The following MPP4 variants were observed in gnomAD, a reference collection of about 807,000 sequenced individuals.
MPP4 encodes MAGUK p55 subfamily member 4.
In MPP4, 91 loss-of-function variants were observed where a neutral mutation model predicts 98.3. That is an observed-to-expected ratio of 0.93 (90% CI 0.78 to 1.10). The LOEUF is 1.10. Ranked by LOEUF, MPP4 falls within the 50% of genes least tolerant of loss-of-function variation. The pLI is 0.00. For synonymous variants in MPP4, 261 were observed against 271.8 expected (o/e 0.96, Z 0.39); for missense variants, 744 against 792.9 (o/e 0.94, Z 0.74).
At chr2:201,653,709 G>A (rs1446160186) in intron 18 of MPP4, among the ~76,000 whole-genome samples, 1 of 151,986 alleles carries the variant, frequency 6.6e-6, no homozygotes, top group African/African-American at 2.4e-5. Context: ...AATAAAACAG[G>A]TTGTCTTAGA....
At chr2:201,660,121 C>T (rs974780437) in intron 15 of MPP4, among the ~76,000 whole-genome samples, 6 of 152,120 alleles carry the variant, frequency 3.9e-5, no homozygotes, top group Admixed American at 1.3e-4. Flanking sequence ...TGATTTCACC[C>T]ACAAAATGTC....
chr2:201,696,583 G>C (rs962140342), intron 1 of MPP4, among the ~76,000 whole-genome samples: 2 of 152,176 alleles, frequency 1.3e-5, no homozygotes, highest in African/African-American at 4.8e-5. Flanking sequence ...TTTAATGCCC[G>C]AATGACTGTG....
intron 18 of MPP4, among the ~76,000 whole-genome samples, chr2:201,654,410 T>G (rs116101291): frequency 0.011 from 1,619 of 152,332 alleles, 28 homozygotes; most frequent in African/African-American, 0.036. Flanking sequence ...AACTATTAGT[T>G]TGCCTGAAAG....
At chr2:201,653,653 T>A (rs1687779458) in intron 18 of MPP4, among the ~76,000 whole-genome samples, 1 of 152,214 alleles carries the variant, frequency 6.6e-6, no homozygotes, top group African/African-American at 2.4e-5. Context: ...TCTATTTTGT[T>A]GAAATCAGGA....
rs1174826779 is a variant in MPP4, at chr2:201,649,773, A to C, written c.1476-89T>G. 4 of 852,632 alleles carry C rather than the reference A, an allele frequency of 4.7e-6. No individual in the cohort carries two copies. The East Asian group carries it at 1.1e-4, about 23-fold the overall frequency. The allele number at this position is 852,632 out of a possible 1,614,324, so 52.8% of individuals were successfully genotyped here. A position where few individuals can be genotyped will look rare whatever the true frequency, so the allele number is the denominator to read the frequency against. On this transcript the variant is annotated intron_variant, in intron 19 of 21. Coordinates refer to ENST00000409474, the MANE Select transcript of MPP4 (RefSeq NM_033066.3). ...TGAGGATAAACTGCACTAGAGTTGA[A>C]TATAAATATGTGGACTTTATTAACA...
At chr2:201,696,771 G>T (rs773050141) in intron 1 of MPP4, among the ~76,000 whole-genome samples, 9 of 152,108 alleles carry the variant, frequency 5.9e-5, no homozygotes, top group Non-Finnish European at 1.2e-4. Context: ...CAACTTCAGG[G>T]CTACCTAGAT....
chr2:201,663,164 T>C (rs985632142), intron 14 of MPP4, among the ~76,000 whole-genome samples: 1 of 152,260 alleles, frequency 6.6e-6, no homozygotes, highest in Non-Finnish European at 1.5e-5. Flanking sequence ...TAAACCACTG[T>C]GCTTCTCATG....
chr2:201,695,361 C>T (rs1190748624), intron 1 of MPP4, among the ~76,000 whole-genome samples: 2 of 152,322 alleles, frequency 1.3e-5, no homozygotes, highest in Admixed American at 6.5e-5. Context: ...GAAGAATCGC[C>T]TCATGCCCTG....
At chr2:201,693,269 G>A (rs1184251986) in intron 2 of MPP4, among the ~76,000 whole-genome samples, 1 of 152,196 alleles carries the variant, frequency 6.6e-6, no homozygotes, top group Non-Finnish European at 1.5e-5. Context: ...CTTTGTCATA[G>A]TGTTGTTCTT....
At chr2:201,681,095 C>CT (rs1688653376) in intron 9 of MPP4, 61 bp from the exon 10 acceptor site, 1 of 1,532,524 alleles carries the variant, frequency 6.5e-7, no homozygotes, top group Admixed American at 1.8e-5. Flanking sequence ...CCGAAGAACC[C>CT]TTGCCCATGG....
chr2:201,687,492 G>A, intron 4 of MPP4, 121 bp from the exon 5 acceptor site: 1 of 672,778 alleles, frequency 1.5e-6, no homozygotes, highest in Non-Finnish European at 2.5e-6. Flanking sequence ...AGCTATTACT[G>A]GAGCCTTCTT....
At chr2:201,689,056 G>A (rs1688922614) in intron 4 of MPP4, among the ~76,000 whole-genome samples, 1 of 152,134 alleles carries the variant, frequency 6.6e-6, no homozygotes, top group Non-Finnish European at 1.5e-5. Flanking sequence ...GGCCAGGTGT[G>A]GTGGCTCACA....
chr2:201,689,075 C>A (rs1407925847), intron 4 of MPP4, among the ~76,000 whole-genome samples: 1 of 152,094 alleles, frequency 6.6e-6, no homozygotes, highest in Non-Finnish European at 1.5e-5. Context: ...CACCTGTAAT[C>A]CCAGCACTTT....
At chr2:201,648,775 T>C (rs1436646117) in intron 20 of MPP4, among the ~76,000 whole-genome samples, 1 of 152,170 alleles carries the variant, frequency 6.6e-6, no homozygotes, top group Admixed American at 6.5e-5. Context: ...TAAGAAAACA[T>C]GGCTGGGCGC....
chr2:201,682,375 A>G (rs1688689891), intron 8 of MPP4, among the ~76,000 whole-genome samples: 1 of 152,176 alleles, frequency 6.6e-6, no homozygotes, highest in Admixed American at 6.5e-5. Context: ...CCAGTTTGAG[A>G]ACCACTGGTC....
chr2:201,689,825 C>T (rs1688954191), intron 4 of MPP4, among the ~76,000 whole-genome samples: 1 of 151,962 alleles, frequency 6.6e-6, no homozygotes, highest in Admixed American at 6.6e-5. Flanking sequence ...GTTAGACATC[C>T]AAGTGAGATG....
In MPP4 at chr2:201,647,726, C is replaced by T. The variant is rs11894115; in HGVS notation, c.1684G>A (p.Val562Ile). 0.047 allele frequency: 76,419 copies of T among 1,613,454 alleles called. 7,819 individuals are homozygous for T. The highest frequency in any genetic ancestry group is 0.44 in the East Asian group (19,553 of 44,844). Residue 562 changes from valine (V) to isoleucine (I), a missense_variant, in exon 21 of 22, where the codon GTT becomes ATT. Physicochemically the swap from Val to Ile is conservative, Grantham distance 29 (BLOSUM62 3). Transcript: ENST00000409474. ...ATGTCCACATAGTAGTCAGTAATAA[C>T]CTTGGCATTTTTCCGAGATTGTTTC... ...CMKQSRKNAK[V>I]ITDYYVDMKF...
intron 15 of MPP4, among the ~76,000 whole-genome samples, chr2:201,659,843 C>CAT (rs1362306204): frequency 6.6e-5 from 10 of 151,974 alleles, no homozygotes; most frequent in Non-Finnish European, 1.5e-4. Flanking sequence ...CAAATATAAA[C>CAT]ATATATATAA....
In MPP4 at chr2:201,677,605, C is replaced by T. The variant is rs543416107; in HGVS notation, c.930-2334G>A. Among the ~76,000 whole-genome samples the T allele has an allele frequency of 1.2e-4, 19 of 152,260 alleles. 1 individual carries two copies. Among genetic ancestry groups the T allele is most frequent in the East Asian group, 9.6e-4 (5 of 5,190 alleles). On this transcript the variant is annotated intron_variant, in intron 10 of 21. Coordinates refer to ENST00000409474, the MANE Select transcript of MPP4 (RefSeq NM_033066.3). ...TAAAGAGTTTAAAAAATATTTTATG[C>T]GCTCATTCACTATTCCTAAGCACAA...
Sources: gnomAD v4.1 joint callset for allele counts (sites outside exome capture counted in the v4.1 genomes callset) on GRCh38, gnomAD v4.1.1 for gene constraint, MANE v1.5 for transcripts, NCBI Gene and HGNC (gene_info 2026-07-23, HGNC 2026-07-21) for gene names.